The following THOP1 variants were observed in gnomAD, a reference collection of about 807,000 sequenced individuals.
THOP1 encodes thimet oligopeptidase.
In THOP1, 49 loss-of-function variants were observed where a neutral mutation model predicts 71.8. The ratio of observed to expected loss-of-function variants is 0.68; its 90% confidence interval spans 0.54 to 0.87. The LOEUF (loss-of-function observed/expected upper bound fraction) is 0.87, where lower values mean the gene tolerates loss of function less well. Ranked by LOEUF, THOP1 falls within the 40% of genes least tolerant of loss-of-function variation. THOP1 has a pLI of 0.00. For synonymous variants in THOP1, 426 were observed against 421.5 expected, an observed-to-expected ratio of 1.01 and a Z score of -0.13; for missense variants, 843 against 975.6, an observed-to-expected ratio of 0.86 and a Z score of 1.81.
In THOP1 at chr19:2,808,441, C is replaced by T; in HGVS notation, c.1452C>T (p.Ser484=). 2 of 1,602,678 alleles carry T rather than the reference C, an allele frequency of 1.2e-6. No individual in the cohort carries two copies. Among genetic ancestry groups the T allele is most frequent in the Non-Finnish European group, 1.7e-6 (2 of 1,172,672 alleles). ...EFGHVMHQLC[S]QAEFAMFSGT... ...GCCACGTGATGCACCAGCTCTGCTCCCAGGTGGGTGCGGGCCCGGGCAGGG... is the reference window on the plus strand; with the variant it reads ...GCCACGTGATGCACCAGCTCTGCTCTCAGGTGGGTGCGGGCCCGGGCAGGG... The change falls in exon 9 of 13, where the codon TCC becomes TCT. Residue 484 remains serine, a synonymous_variant. Coordinates refer to ENST00000307741, the MANE Select transcript of THOP1 (RefSeq NM_003249.5).
In THOP1 at chr19:2,801,367, C is replaced by T. The variant is rs1297337081; in HGVS notation, c.589+1576C>T. ...TTTCACGTTTGCCATCCTGCAAACTCGAATGTTTGTGGATTTTGGTGTCTA... is the reference window on the plus strand; with the variant it reads ...TTTCACGTTTGCCATCCTGCAAACTTGAATGTTTGTGGATTTTGGTGTCTA... On this transcript the variant is annotated intron_variant, in intron 5 of 12. Coordinates refer to ENST00000307741, the MANE Select transcript of THOP1 (RefSeq NM_003249.5). This position sits in a 1 kb window ranked among gnomAD's most constrained non-coding sequence, Gnocchi z 5.1. Among the ~76,000 whole-genome samples, 3 of 152,104 alleles carry T rather than the reference C, an allele frequency of 2.0e-5. No homozygotes were observed. The highest frequency in any genetic ancestry group is 2.1e-4 in the South Asian group (1 of 4,824).
chr19:2,801,537 G>A lies in THOP1; in HGVS notation c.589+1746G>A, dbSNP rs1018310498. Among the ~76,000 whole-genome samples, 7 of 152,168 alleles carry A rather than the reference G, an allele frequency of 4.6e-5. No individual in the cohort carries two copies. Among genetic ancestry groups the A allele is most frequent in the African/African-American group, 9.7e-5 (4 of 41,420 alleles). On this transcript the variant is annotated intron_variant, in intron 5 of 12. Coordinates refer to ENST00000307741, the MANE Select transcript of THOP1 (RefSeq NM_003249.5). This position sits in a 1 kb window ranked among gnomAD's most constrained non-coding sequence, Gnocchi z 5.1. ...CAGGGCTGTCCGCTGCTGCTGCCCC[G>A]GGACCTGTTTCCCTTTGTGGTCCGT... is the stretch of plus-strand genomic sequence containing the variant.
At chr19:2,785,749 G>A in intron 1 of THOP1, 71 bp downstream of exon 1, 2 of 1,297,526 alleles carry the variant, frequency 1.5e-6, no homozygotes, top group Non-Finnish European at 9.8e-7. Flanking sequence ...CGCGACTTGG[G>A]CCTAAGGCTG....
chr19:2,811,595 C>T lies in THOP1; in HGVS notation c.1772-3C>T. 6.2e-7 allele frequency: 1 copy of T among 1,612,244 alleles called. No homozygotes were observed. Among genetic ancestry groups the T allele is most frequent in the Non-Finnish European group, 8.5e-7 (1 of 1,179,386 alleles). ...CGTGAACCCTGCCATGTGTCCGCCCCAGGAACCAACATGCCTGCAACCTTC... is the reference window on the plus strand; with the variant it reads ...CGTGAACCCTGCCATGTGTCCGCCCTAGGAACCAACATGCCTGCAACCTTC... On this transcript the variant is annotated splice_polypyrimidine_tract_variant and splice_region_variant and intron_variant, in intron 11 of 12. Transcript: ENST00000307741.
intron 6 of THOP1, 181 bp from the exon 7 acceptor site, chr19:2,806,736 G>T: frequency 9.4e-7 from 1 of 1,065,552 alleles, no homozygotes; most frequent in South Asian, 1.6e-5. Context: ...AAAGGCCTTG[G>T]GATTATGATA....
rs776109159 is a variant in THOP1, at chr19:2,810,701, G to T, written c.1704G>T (p.Thr568=). 4 of 1,578,988 alleles carry T rather than the reference G, an allele frequency of 2.5e-6. No homozygotes were observed. In the East Asian group the frequency reaches 9.2e-5, roughly 37 times the overall value. The change falls in exon 11 of 13, where the codon ACG becomes ACT. Residue 568 remains threonine, a synonymous_variant. Coordinates refer to ENST00000307741, the MANE Select transcript of THOP1 (RefSeq NM_003249.5). ...TGGACCAGGCCCTGCACACGCAGAC[G>T]GACGCAGACCCCGCCGAGGAGTATG... ...AKVDQALHTQ[T]DADPAEEYAR...
At chr19:2,809,618 CTGTT>C (rs1321251795) in intron 9 of THOP1, 1 of 152,336 alleles carries the variant, frequency 6.6e-6, no homozygotes, top group Admixed American at 6.5e-5. Flanking sequence ...CCCTGCCACA[CTGTT>C]TGCACAGCAC....
At chr19:2,791,999 G>A (rs1287064231) in intron 2 of THOP1, among the ~76,000 whole-genome samples, 11 of 152,204 alleles carry the variant, frequency 7.2e-5, no homozygotes, top group Admixed American at 7.2e-4. Flanking sequence ...TCTGCTGAAT[G>A]CCTGGCTTCT....
At chr19:2,791,082 GC>G (rs1223471299) in intron 2 of THOP1, among the ~76,000 whole-genome samples, 1 of 152,200 alleles carries the variant, frequency 6.6e-6, no homozygotes, top group Non-Finnish European at 1.5e-5. Flanking sequence ...ACTGAACTTG[GC>G]CCCCTTGGCT....
At position 2,808,458 on chromosome 19, in the gene THOP1, C is replaced by CGGGCAGGGGCAG. The variant is rs369163630; in HGVS notation, c.1455+37_1455+48dup. 7 of 1,577,360 alleles carry CGGGCAGGGGCAG rather than the reference C, an allele frequency of 4.4e-6. No homozygotes were observed. Among genetic ancestry groups the CGGGCAGGGGCAG allele is most frequent in the Non-Finnish European group, 5.2e-6 (6 of 1,159,146 alleles). On this transcript the variant is annotated intron_variant, in intron 9 of 12. Transcript: ENST00000307741. ...CTCTGCTCCCAGGTGGGTGCGGGCCCGGGCAGGGGCAGGGGCAGGGGCAGG... is the reference window on the plus strand; with the variant it reads ...CTCTGCTCCCAGGTGGGTGCGGGCCCGGGCAGGGGCAGGGGCAGGGGCAGGGGCAGGGGCAGG...
In THOP1 at chr19:2,806,914, CAGG is replaced by C; in HGVS notation, c.751_753del (p.Glu251del). 4 of 1,612,910 alleles carry C rather than the reference CAGG, an allele frequency of 2.5e-6. No individual in the cohort carries two copies. Among genetic ancestry groups the C allele is most frequent in the Non-Finnish European group, 3.4e-6 (4 of 1,179,736 alleles). The stretch of plus-strand genomic sequence containing the variant: ...GGTGACAGTGTGGTGGTGTCGGTTG[CAGG>C]AGAACTGCGCTATCCTCAAGGAGCT... On this transcript the variant is annotated splice_acceptor_variant and coding_sequence_variant, in exon 7 of 13. Coordinates refer to ENST00000307741, the MANE Select transcript of THOP1 (RefSeq NM_003249.5). LOFTEE classifies it high-confidence loss of function.
chr19:2,786,090 TAGAG>T (rs1318193492), intron 1 of THOP1, among the ~76,000 whole-genome samples: 1 of 145,926 alleles, frequency 6.9e-6, no homozygotes, highest in Non-Finnish European at 1.5e-5. Flanking sequence ...GACACGTTTT[TAGAG>T]AGAGGGTGGT....
chr19:2,807,621 C>T lies in THOP1; in HGVS notation c.1066C>T (p.Leu356Phe). 1.9e-6 allele frequency: 3 copies of T among 1,612,302 alleles called. No homozygotes were observed. The highest frequency in any genetic ancestry group is 2.5e-6 in the Non-Finnish European group (3 of 1,179,582). The change falls in exon 8 of 13, where the codon CTC becomes TTC. Residue 356 changes from leucine (L) to phenylalanine (F), a missense_variant. Physicochemically the swap from Leu to Phe is conservative, Grantham distance 22. Coordinates refer to ENST00000307741, the MANE Select transcript of THOP1 (RefSeq NM_003249.5). ...ETRYCVDQNL[L>F]KEYFPVQVVT... ...GCGCTACTGCGTGGACCAGAACCTGCTCAAGGAGTACTTCCCCGTGCAGGT... is the reference window on the plus strand; with the variant it reads ...GCGCTACTGCGTGGACCAGAACCTGTTCAAGGAGTACTTCCCCGTGCAGGT...
At chr19:2,799,666 T>G in intron 4 of THOP1, 23 bp from the exon 5 acceptor site, 1 of 1,380,640 alleles carries the variant, frequency 7.2e-7, no homozygotes, top group Non-Finnish European at 1.0e-6. Flanking sequence ...CTCCCTCCCC[T>G]CACGCCCCGC....
At chr19:2,787,129 C>G (rs1238522626) in intron 1 of THOP1, 5 of 152,028 alleles carry the variant, frequency 3.3e-5, no homozygotes, top group Admixed American at 6.6e-5. Flanking sequence ...GAACTTCTGA[C>G]CTCAAGTGAT....
chr19:2,790,543 G>T lies in THOP1; in HGVS notation c.139G>T (p.Val47Leu), dbSNP rs145473951. ...TRELIEQTKR[V>L]YDQVGTQEFE... ...GGAGCTCATCGAGCAGACCAAGCGC[G>T]TGTATGACCAGGTTGGCACCCAGGA... The change falls in exon 2 of 13, where the codon GTG becomes TTG. Residue 47 changes from valine to leucine, a missense_variant. Val to Leu is a conservative substitution (Grantham distance 32). Transcript: ENST00000307741. 2 of 1,608,078 alleles carry T rather than the reference G, an allele frequency of 1.2e-6. No individual in the cohort carries two copies. Among genetic ancestry groups the T allele is most frequent in the East Asian group, 2.2e-5 (1 of 44,806 alleles).
At chr19:2,802,220 C>T (rs1916161831) in intron 5 of THOP1, among the ~76,000 whole-genome samples, 1 of 150,844 alleles carries the variant, frequency 6.6e-6, no homozygotes, top group Admixed American at 6.6e-5. Flanking sequence ...CGGACACCCC[C>T]ACCTCCTGAC....
rs1462357648 is a variant in THOP1, at chr19:2,804,496, ACCTCCCTCTCCACGTGGGG to A, written c.590-508_590-490del. 1.2e-4 allele frequency: 19 copies of A among 153,518 alleles called. No individual in the cohort carries two copies. The South Asian group carries it at 3.3e-3, about 26-fold the overall frequency. The allele number at this position is 153,518 out of a possible 1,614,324, so 9.5% of individuals were successfully genotyped here. On this transcript the variant is annotated intron_variant, in intron 5 of 12. Coordinates refer to ENST00000307741, the MANE Select transcript of THOP1 (RefSeq NM_003249.5). This position sits in a 1 kb window ranked among gnomAD's most constrained non-coding sequence, Gnocchi z 4.7. ...GGTTCTTCAGGAAAAGCAAAGCAGGACCTCCCTCTCCACGTGGGGCCTCCCTCTCCGCCCAGGGCCCAGC... is the reference window on the plus strand; with the variant it reads ...GGTTCTTCAGGAAAAGCAAAGCAGGACCTCCCTCTCCGCCCAGGGCCCAGC...
intron 4 of THOP1, among the ~76,000 whole-genome samples, chr19:2,797,027 G>T (rs570358293): frequency 6.6e-6 from 1 of 152,200 alleles, no homozygotes; most frequent in Non-Finnish European, 1.5e-5. Context: ...GGAAAGATGC[G>T]TGTCACAGTT....
Sources: allele counts gnomAD v4.1 joint callset (sites outside exome capture counted in the v4.1 genomes callset), GRCh38; gene constraint gnomAD v4.1.1; non-coding constraint Gnocchi (gnomAD v3.1); transcripts MANE v1.5; gene names NCBI Gene and HGNC (gene_info 2026-07-23, HGNC 2026-07-21).